Variants in GALT observed in about 807,000 individuals in gnomAD.
The protein encoded by GALT is galactose-1-phosphate uridylyltransferase.
GALT carries 42 observed loss-of-function variants against 55.4 expected under a neutral mutation model. The observed-to-expected ratio is 0.76, with a 90% CI of 0.59 to 0.98. GALT has a LOEUF of 0.98. Ranked by LOEUF, GALT falls within the 50% of genes least tolerant of loss-of-function variation. GALT has a pLI of 0.00. For synonymous variants in GALT, 154 were observed against 181.5 expected, an observed-to-expected ratio of 0.85 and a Z score of 1.22; for missense variants, 407 against 495.7, an observed-to-expected ratio of 0.82 and a Z score of 1.70.
rs2132341442 is a variant in GALT, at chr9:34,647,092, A to G, written c.86A>G (p.His29Arg). The G allele has an allele frequency of 1.2e-6, 2 of 1,614,164 alleles. No homozygotes were observed. Among genetic ancestry groups the G allele is most frequent in the Non-Finnish European group, 8.5e-7 (1 of 1,180,028 alleles). Residue 29 changes from histidine (H) to arginine (R), a missense_variant, in exon 2 of 11, where the codon CAT becomes CGT. By Grantham distance (29) the His-to-Arg change is conservative. Transcript: ENST00000378842. The surrounding 1 kb of genome is among the most constrained non-coding windows in gnomAD (Gnocchi z 5.6). ...AAAATFRAND[H>R]QHIRYNPLQD... Reference sequence around the variant, plus strand: ...GATCTTGACTGTCTGCCCCCAGACCATCAGCATATCCGCTACAACCCGCTG... The same window carrying G: ...GATCTTGACTGTCTGCCCCCAGACCGTCAGCATATCCGCTACAACCCGCTG...
At position 34,650,812 on chromosome 9, in the gene GALT, A is replaced by C. The variant is rs1321107952; in HGVS notation, c.*363A>C. 2 of 240,468 alleles carry C rather than the reference A, an allele frequency of 8.3e-6. No homozygotes were observed. The highest frequency in any genetic ancestry group is 5.2e-5 in the Admixed American group (1 of 19,152). The allele number at this position is 240,468 out of a possible 1,614,324, so 14.9% of individuals were successfully genotyped here. A position where few individuals can be genotyped will look rare whatever the true frequency, so the allele number is the denominator to read the frequency against. ...TCCCAGTTTAGGAAACTGTTTTAAA[A>C]TCTTGTGTCTTGGTTGTGGCTGAGG... On this transcript the variant is annotated 3_prime_UTR_variant, in exon 11 of 11. Transcript: ENST00000378842.
rs749869608 is a variant in GALT, at chr9:34,648,078, C to T, written c.508-37C>T. ...GGTCAGGAGGGAGTTGACTTGGTGT[C>T]TTTTGGCTAACAGAGCTCCGTATCC... On this transcript the variant is annotated intron_variant, in intron 5 of 10. Transcript: ENST00000378842. The surrounding 1 kb of genome is among the most constrained non-coding windows in gnomAD (Gnocchi z 4.9). 17 of 1,614,152 alleles carry T rather than the reference C, an allele frequency of 1.1e-5. No homozygotes were observed. Among genetic ancestry groups the T allele is most frequent in the Non-Finnish European group, 1.4e-5 (17 of 1,180,028 alleles).
chr9:34,650,817 G>T lies in GALT; in HGVS notation c.*368G>T, dbSNP rs903036852. ...GTTTAGGAAACTGTTTTAAAATCTT[G>T]TGTCTTGGTTGTGGCTGAGGCTTTG... On this transcript the variant is annotated 3_prime_UTR_variant, in exon 11 of 11. Transcript: ENST00000378842. The T allele has an allele frequency of 1.3e-5, 3 of 237,066 alleles. No individual in the cohort carries two copies. Among genetic ancestry groups the T allele is most frequent in the Non-Finnish European group, 2.5e-5 (3 of 119,222 alleles). The allele number at this position is 237,066 out of a possible 1,614,324, so 14.7% of individuals were successfully genotyped here. A position where few individuals can be genotyped will look rare whatever the true frequency, so the allele number is the denominator to read the frequency against.
In GALT at chr9:34,646,768, G is replaced by A. The variant is rs748028316; in HGVS notation, c.64G>A (p.Ala22Thr). The change falls in exon 1 of 11, where the codon GCA becomes ACA. Residue 22 changes from alanine (A) to threonine (T), a missense_variant. Coordinates refer to ENST00000378842, the MANE Select transcript of GALT (RefSeq NM_000155.4). Reference protein sequence around the residue: ...QQASEADAAAATFRANDHQHI... With the variant: ...QQASEADAAATTFRANDHQHI... ...GGCGTCAGAGGCGGACGCCGCAGCAGCAACCTTCCGGGCAAACGGTAACTG... is the reference window on the plus strand; with the variant it reads ...GGCGTCAGAGGCGGACGCCGCAGCAACAACCTTCCGGGCAAACGGTAACTG... 3.7e-6 allele frequency: 6 copies of A among 1,613,520 alleles called. No homozygotes were observed. Among genetic ancestry groups the A allele is most frequent in the Non-Finnish European group, 4.2e-6 (5 of 1,179,962 alleles).
Position 34,647,322 on chromosome 9 carries a change from T to C in GALT, c.252+64T>C. 1 of 1,608,132 alleles carries C rather than the reference T, an allele frequency of 6.2e-7. No individual in the cohort carries two copies. The highest frequency in any genetic ancestry group is 8.5e-7 in the Non-Finnish European group (1 of 1,175,164). ...GGGGAGTAGTTCCCTCTTAGAACTG[T>C]CCTCCACCCACAGGGATAGTGAACC... On this transcript the variant is annotated intron_variant, in intron 2 of 10. Coordinates refer to ENST00000378842, the MANE Select transcript of GALT (RefSeq NM_000155.4). This position sits in a 1 kb window ranked among gnomAD's most constrained non-coding sequence, Gnocchi z 5.6.
rs1367789117 is a variant in GALT, at chr9:34,647,260, T to TAAGC, written c.252+3_252+6dup. On this transcript the variant is annotated splice_region_variant and intron_variant, in intron 2 of 10. Coordinates refer to ENST00000378842, the MANE Select transcript of GALT (RefSeq NM_000155.4). The surrounding 1 kb of genome is among the most constrained non-coding windows in gnomAD (Gnocchi z 5.6). ...GGGGCCATCCGAGCCAACGGAGAGG[T>TAAGC]AAGCCTGTAGAGCCCTGCATCTGCA... 1.2e-6 allele frequency: 2 copies of TAAGC among 1,613,940 alleles called. No individual in the cohort carries two copies. The highest frequency in any genetic ancestry group is 1.7e-6 in the Non-Finnish European group (2 of 1,179,932).
In GALT at chr9:34,648,575, T is replaced by G; in HGVS notation, c.687+119T>G. ...GTAGAGAGAGACTTGCTAGGAGGCC[T>G]TAGCAATAATCCAGTAATCTAAAGG... On this transcript the variant is annotated intron_variant, in intron 7 of 10. Coordinates refer to ENST00000378842, the MANE Select transcript of GALT (RefSeq NM_000155.4). This position sits in a 1 kb window ranked among gnomAD's most constrained non-coding sequence, Gnocchi z 4.9. 6.5e-7 allele frequency: 1 copy of G among 1,532,014 alleles called. No individual in the cohort carries two copies. The highest frequency in any genetic ancestry group is 9.0e-7 in the Non-Finnish European group (1 of 1,109,494). 94.9% of individuals were successfully genotyped at this position (1,532,014 alleles called of 1,614,324 possible). A position where few individuals can be genotyped will look rare whatever the true frequency, so the allele number is the denominator to read the frequency against.
In GALT at chr9:34,648,938, G is replaced by C. The variant is rs1414027534; in HGVS notation, c.820+44G>C. 1 of 1,613,924 alleles carries C rather than the reference G, an allele frequency of 6.2e-7. No individual in the cohort carries two copies. The highest frequency in any genetic ancestry group is 1.7e-5 in the Admixed American group (1 of 60,018). On this transcript the variant is annotated intron_variant, in intron 8 of 10. Transcript: ENST00000378842. The surrounding 1 kb of genome is among the most constrained non-coding windows in gnomAD (Gnocchi z 4.9). ...ATCCTGGGGCTAGGCACTGGATGGAGGTTGCTCCCAGTAGGGTCAGCATCT... is the reference window on the plus strand; with the variant it reads ...ATCCTGGGGCTAGGCACTGGATGGACGTTGCTCCCAGTAGGGTCAGCATCT...
In GALT at chr9:34,650,695, T is replaced by G. The variant is rs907699048; in HGVS notation, c.*246T>G. 4.0e-5 allele frequency: 21 copies of G among 525,518 alleles called. 1 individual carries two copies. The highest frequency in any genetic ancestry group is 3.0e-4 in the Admixed American group (9 of 30,158). 32.6% of individuals were successfully genotyped at this position (525,518 alleles called of 1,614,324 possible). On this transcript the variant is annotated 3_prime_UTR_variant, in exon 11 of 11. Coordinates refer to ENST00000378842, the MANE Select transcript of GALT (RefSeq NM_000155.4). ...TGTCTACAGATGTGTAAAATCTTGATGCAAAAATCTACCCCAAATTTCTGA... is the reference window on the plus strand; with the variant it reads ...TGTCTACAGATGTGTAAAATCTTGAGGCAAAAATCTACCCCAAATTTCTGA...
In GALT at chr9:34,649,535, C is replaced by A. The variant is rs111033814; in HGVS notation, c.1030C>A (p.Gln344Lys). ...CATGGTTGGCTACGAAATGCTTGCT[C>A]AGGCTCAGAGGGACCTCACCCCTGA... ...KFMVGYEMLA[Q>K]AQRDLTPEQA... Residue 344 changes from glutamine to lysine, a missense_variant, in exon 10 of 11, where the codon CAG becomes AAG. By Grantham distance (53) the Gln-to-Lys change is moderately conservative (BLOSUM62 1). Coordinates refer to ENST00000378842, the MANE Select transcript of GALT (RefSeq NM_000155.4). The A allele has an allele frequency of 4.3e-6, 7 of 1,614,072 alleles. No homozygotes were observed. Among genetic ancestry groups the A allele is most frequent in the Non-Finnish European group, 5.9e-6 (7 of 1,180,028 alleles).
Position 34,647,074 on chromosome 9 carries a change from A to T in GALT, c.83-15A>T. ...TAGAGAGCTCTGAGGACTGATCTTG[A>T]CTGTCTGCCCCCAGACCATCAGCAT... On this transcript the variant is annotated splice_polypyrimidine_tract_variant and intron_variant, in intron 1 of 10. Coordinates refer to ENST00000378842, the MANE Select transcript of GALT (RefSeq NM_000155.4). The surrounding 1 kb of genome is among the most constrained non-coding windows in gnomAD (Gnocchi z 5.6). 1 of 1,614,102 alleles carries T rather than the reference A, an allele frequency of 6.2e-7. No homozygotes were observed. Among genetic ancestry groups the T allele is most frequent in the Non-Finnish European group, 8.5e-7 (1 of 1,180,036 alleles).
In GALT at chr9:34,648,257, A is replaced by G; in HGVS notation, c.565-77A>G. The G allele has an allele frequency of 1.2e-6, 2 of 1,613,826 alleles. No homozygotes were observed. The highest frequency in any genetic ancestry group is 8.5e-7 in the Non-Finnish European group (1 of 1,180,024). Reference sequence around the variant, plus strand: ...TGGGAACAGGATTAATGGATGGGACAGAGGAAATATGCCAATGATGTGGAG... The same window carrying G: ...TGGGAACAGGATTAATGGATGGGACGGAGGAAATATGCCAATGATGTGGAG... On this transcript the variant is annotated intron_variant, in intron 6 of 10. Coordinates refer to ENST00000378842, the MANE Select transcript of GALT (RefSeq NM_000155.4). The surrounding 1 kb of genome is among the most constrained non-coding windows in gnomAD (Gnocchi z 4.9).
In GALT at chr9:34,647,710, C is replaced by G. The variant is rs1564101068; in HGVS notation, c.377+5C>G. 1 of 1,614,158 alleles carries G rather than the reference C, an allele frequency of 6.2e-7. No individual in the cohort carries two copies. Among genetic ancestry groups the G allele is most frequent in the East Asian group, 2.2e-5 (1 of 44,884 alleles). On this transcript the variant is annotated splice_donor_5th_base_variant and intron_variant, in intron 4 of 10. Coordinates refer to ENST00000378842, the MANE Select transcript of GALT (RefSeq NM_000155.4). The surrounding 1 kb of genome is among the most constrained non-coding windows in gnomAD (Gnocchi z 5.6). Reference sequence around the variant, plus strand: ...AAAGTCTGCTCGAGGAGTCTGGTAACTATGGATTTCCCCTCTTACAACTTT... The same window carrying G: ...AAAGTCTGCTCGAGGAGTCTGGTAAGTATGGATTTCCCCTCTTACAACTTT...
At chr9:34,649,200 C>A in intron 9 of GALT, 119 bp downstream of exon 9, 1 of 1,260,118 alleles carries the variant, frequency 7.9e-7, no homozygotes, top group Non-Finnish European at 1.2e-6. Flanking sequence ...GGGGAAGTGG[C>A]CAGAGTAGAG....
chr9:34,647,698 G>A lies in GALT; in HGVS notation c.370G>A (p.Gly124Arg). Residue 124 changes from glycine (G) to arginine (R), a missense_variant, in exon 4 of 11, where the codon GGA (glycine) becomes AGA (arginine). Physicochemically the swap from Gly to Arg is moderately radical, Grantham distance 125 (BLOSUM62 -2). Coordinates refer to ENST00000378842, the MANE Select transcript of GALT (RefSeq NM_000155.4). The surrounding 1 kb of genome is among the most constrained non-coding windows in gnomAD (Gnocchi z 5.6). The part of the protein sequence containing the change: ...HPLFQAKSAR[G>R]VCKVMCFHPW... ...CCTTTTCCAAGCAAAGTCTGCTCGA[G>A]GAGTCTGGTAACTATGGATTTCCCC... 1.2e-6 allele frequency: 2 copies of A among 1,614,174 alleles called. No individual in the cohort carries two copies. Among genetic ancestry groups the A allele is most frequent in the South Asian group, 2.2e-5 (2 of 91,074 alleles).
chr9:34,649,622 C>A, intron 10 of GALT, 58 bp downstream of exon 10: 1 of 1,576,340 alleles, frequency 6.3e-7, no homozygotes, highest in South Asian at 1.1e-5. Context: ...TGTGCAGGCA[C>A]CTGATACTTC....
chr9:34,647,132 G>A lies in GALT; in HGVS notation c.126G>A (p.Val42=). The A allele has an allele frequency of 1.2e-6, 2 of 1,614,182 alleles. No individual in the cohort carries two copies. Among genetic ancestry groups the A allele is most frequent in the Non-Finnish European group, 1.7e-6 (2 of 1,180,026 alleles). ...IRYNPLQDEW[V]LVSAHRMKRP... The stretch of plus-strand genomic sequence containing the variant: ...ACAACCCGCTGCAGGATGAGTGGGT[G>A]CTGGTGTCAGCTCACCGCATGAAGC... Residue 42 remains valine (V), a synonymous_variant, in exon 2 of 11, where the codon GTG becomes GTA. Transcript: ENST00000378842. The surrounding 1 kb of genome is among the most constrained non-coding windows in gnomAD (Gnocchi z 5.6).
chr9:34,647,261 AAGCCTGTAG>A lies in GALT; in HGVS notation c.252+8_252+16del. 1 of 1,614,054 alleles carries A rather than the reference AAGCCTGTAG, an allele frequency of 6.2e-7. No homozygotes were observed. Among genetic ancestry groups the A allele is most frequent in the Middle Eastern group, 1.6e-4 (1 of 6,062 alleles). ...GGGCCATCCGAGCCAACGGAGAGGT[AAGCCTGTAG>A]AGCCCTGCATCTGCAGGCTGGGCCA... is the stretch of plus-strand genomic sequence containing the variant. On this transcript the variant is annotated splice_donor_5th_base_variant and intron_variant, in intron 2 of 10. Transcript: ENST00000378842. The surrounding 1 kb of genome is among the most constrained non-coding windows in gnomAD (Gnocchi z 5.6).
At position 34,647,487 on chromosome 9, in the gene GALT, G is replaced by A. The variant is rs762136953; in HGVS notation, c.253-5G>A. The A allele has an allele frequency of 1.0e-4, 168 of 1,613,874 alleles. No homozygotes were observed. Among genetic ancestry groups the A allele is most frequent in the South Asian group, 1.1e-5 (1 of 91,070 alleles). On this transcript the variant is annotated splice_region_variant and splice_polypyrimidine_tract_variant and intron_variant, in intron 2 of 10. Coordinates refer to ENST00000378842, the MANE Select transcript of GALT (RefSeq NM_000155.4). The surrounding 1 kb of genome is among the most constrained non-coding windows in gnomAD (Gnocchi z 5.6). ...TGAGTGCTTCTAGCCTATCCTTGTC[G>A]GTAGGTGAATCCCCAGTACGATAGC...
Sources: allele counts gnomAD v4.1 joint callset, GRCh38; gene constraint gnomAD v4.1.1; non-coding constraint Gnocchi (gnomAD v3.1); transcripts MANE v1.5; gene names NCBI Gene and HGNC (gene_info 2026-07-23, HGNC 2026-07-21).